P3H1: variants seen among roughly 807,000 people sequenced by gnomAD.
P3H1 encodes the protein growth suppressor 1.
In P3H1, 69 loss-of-function variants were observed where a neutral mutation model predicts 84.0. The ratio of observed to expected loss-of-function variants is 0.82; its 90% CI spans 0.68 to 1.00. The LOEUF (loss-of-function observed/expected upper bound fraction) is 1.00, where lower values mean the gene tolerates loss of function less well. Among genes scored for constraint, P3H1 ranks in the 50% least tolerant of loss-of-function variants. P3H1 has a pLI of 0.00. For synonymous variants in P3H1, 366 were observed against 388.8 expected, an observed-to-expected ratio of 0.94 and a Z score of 0.69; for missense variants, 878 against 962.8, an observed-to-expected ratio of 0.91 and a Z score of 1.17.
At chr1:42,748,382 G>T in intron 11 of P3H1, 65 bp from the exon 12 acceptor site, 2 of 1,237,122 alleles carry the variant, frequency 1.6e-6, no homozygotes, top group Non-Finnish European at 2.4e-6. Flanking sequence ...TCTCTTCTTG[G>T]CAGGGGAGGT....
intron 10 of P3H1, among the ~76,000 whole-genome samples, chr1:42,750,684 A>G (rs1570460179): frequency 2.0e-5 from 2 of 102,182 alleles, no homozygotes; most frequent in African/African-American, 4.3e-5. Flanking sequence ...CCCGTCCGGG[A>G]GGGAGGTGGG....
At chr1:42,755,313 C>T (rs995392872) in intron 6 of P3H1, 96 bp from the exon 7 acceptor site, 2 of 1,213,122 alleles carry the variant, frequency 1.6e-6, no homozygotes, top group Non-Finnish European at 2.4e-6. Flanking sequence ...AGTAATCCAG[C>T]TTATCACCCT....
rs1237389694 is a variant in P3H1, at chr1:42,757,701, C to T, written c.1080+82G>A. On this transcript the variant is annotated intron_variant, in intron 5 of 14. Transcript: ENST00000296388. The stretch of plus-strand genomic sequence containing the variant: ...GGCCCCTGCCCTGCACGCACAGCGC[C>T]TACTCCCCTCTGCTACCCCACTCTT... 9 of 1,605,078 alleles carry T rather than the reference C, an allele frequency of 5.6e-6. No individual in the cohort carries two copies. The East Asian group carries it at 2.0e-4, about 36-fold the overall frequency.
rs57591198 is a variant in P3H1 at position 42,766,405 on chromosome 1, C to T, written c.465+102G>A. ...TCCCCAGCCAGGAGGCCACTTTCCC[C>T]TCCCTGCGGACACTTCCCCGATCCC... is the stretch of plus-strand genomic sequence containing the variant. On this transcript the variant is annotated intron_variant, in intron 1 of 14. Coordinates refer to ENST00000296388, the MANE Select transcript of P3H1 (RefSeq NM_022356.4). 4,563 of 1,099,622 alleles carry T rather than the reference C, an allele frequency of 4.1e-3. 155 individuals carry two copies. The African/African-American group carries it at 0.064, about 16-fold the overall frequency. 68.1% of individuals were successfully genotyped at this position (1,099,622 alleles called of 1,614,324 possible). A position where few individuals can be genotyped will look rare whatever the true frequency, so the allele number is the denominator to read the frequency against.
In P3H1 at chr1:42,752,615, G is replaced by C. The variant is rs758855025; in HGVS notation, c.1395C>G (p.Leu465=). 36 of 1,614,068 alleles carry C rather than the reference G, an allele frequency of 2.2e-5. 1 individual carries two copies. In the South Asian group the frequency reaches 3.6e-4, roughly 16 times the overall value. ...TCACCACCCGCTGGGAACCATTCAG[G>C]AGTTTGGAGTTCATGGTGAGACTGA... ...EGISLTMNSK[L]LNGSQRVVMD... Residue 465 remains leucine (L), a synonymous_variant, in exon 9 of 15, where the codon CTC becomes CTG. Coordinates refer to ENST00000296388, the MANE Select transcript of P3H1 (RefSeq NM_022356.4).
At chr1:42,750,620 C>T (rs1478860182) in intron 10 of P3H1, among the ~76,000 whole-genome samples, 8 of 145,754 alleles carry the variant, frequency 5.5e-5, no homozygotes, top group Non-Finnish European at 1.1e-4. Flanking sequence ...GCCCCTCAGC[C>T]CGGCCAGCCA....
Position 42,746,857 on chromosome 1 carries a change from A to T in P3H1, c.2056-5T>A. The T allele has an allele frequency of 6.2e-7, 1 of 1,614,066 alleles. No homozygotes were observed. The highest frequency in any genetic ancestry group is 8.5e-7 in the Non-Finnish European group (1 of 1,179,990). ...GTCATCTGCCTGCACCCTGTCCTGC[A>T]AGGACAAACCCCTGCCCATTCAGAG... is the stretch of plus-strand genomic sequence containing the variant. On this transcript the variant is annotated splice_region_variant and splice_polypyrimidine_tract_variant and intron_variant, in intron 14 of 14. Transcript: ENST00000296388.
intron 2 of P3H1, chr1:42,761,413 T>G (rs536510589): frequency 6.6e-6 from 1 of 152,276 alleles, no homozygotes; most frequent in East Asian, 1.9e-4. Context: ...ATGAGAACAT[T>G]GAAGGATACT....
At chr1:42,765,831 C>T (rs1652956621) in intron 1 of P3H1, among the ~76,000 whole-genome samples, 1 of 152,066 alleles carries the variant, frequency 6.6e-6, no homozygotes, top group South Asian at 2.1e-4. Flanking sequence ...ATGCAAACTG[C>T]TTAAAATAGT....
intron 1 of P3H1, among the ~76,000 whole-genome samples, chr1:42,763,919 C>T (rs532729823): frequency 1.3e-5 from 2 of 150,488 alleles, no homozygotes; most frequent in East Asian, 2.0e-4. Flanking sequence ...CTGAGGCGGG[C>T]GGATCATGAG....
Position 42,754,984 on chromosome 1 carries a change from T to C in P3H1, c.1230A>G (p.Glu410=). ...PKRLQEKQKS[E]RETAVRISQE... ...GGGAGATGCGTACGGCTGTTTCCCGTTCTGACCTATGAGCACAGCCGCTCT... is the reference window on the plus strand; with the variant it reads ...GGGAGATGCGTACGGCTGTTTCCCGCTCTGACCTATGAGCACAGCCGCTCT... Residue 410 remains glutamate (E), a synonymous_variant, in exon 8 of 15, where the codon GAA becomes GAG. Transcript: ENST00000296388. This position sits in a 1 kb window ranked among gnomAD's most constrained non-coding sequence, Gnocchi z 4.0. 6.2e-7 allele frequency: 1 copy of C among 1,614,188 alleles called. No homozygotes were observed. The highest frequency in any genetic ancestry group is 8.5e-7 in the Non-Finnish European group (1 of 1,180,032).
chr1:42,761,126 T>A (rs1022246910), intron 2 of P3H1: 1 of 151,894 alleles, frequency 6.6e-6, no homozygotes, highest in African/African-American at 2.4e-5. Context: ...CATGCCACCA[T>A]GCCTGGCTAA....
In P3H1 at chr1:42,766,496, C is replaced by T. The variant is rs1653006639; in HGVS notation, c.465+11G>A. 1 of 1,596,926 alleles carries T rather than the reference C, an allele frequency of 6.3e-7. No homozygotes were observed. Among genetic ancestry groups the T allele is most frequent in the African/African-American group, 1.3e-5 (1 of 74,548 alleles). ...AGGACCCCGGCCGCCTGGTTCCAGG[C>T]AGGTCTGCACCTTGAAGTAGGCGAC... On this transcript the variant is annotated intron_variant, in intron 1 of 14. Coordinates refer to ENST00000296388, the MANE Select transcript of P3H1 (RefSeq NM_022356.4).
At chr1:42,755,672 T>C (rs1447146054) in intron 5 of P3H1, 35 bp from the exon 6 acceptor site, 2 of 1,547,346 alleles carry the variant, frequency 1.3e-6, no homozygotes, top group South Asian at 2.2e-5. Flanking sequence ...CCCCCAGAAC[T>C]CAGCCCTGTC....
chr1:42,758,830 G>A (rs764869195), intron 4 of P3H1, 22 bp downstream of exon 4: 3 of 1,613,820 alleles, frequency 1.9e-6, no homozygotes, highest in Non-Finnish European at 1.7e-6. Flanking sequence ...AGCAGAGAAA[G>A]AGGAAGGAAA....
intron 14 of P3H1, 45 bp from the exon 15 acceptor site, chr1:42,746,897 G>T: frequency 6.2e-7 from 1 of 1,614,192 alleles, no homozygotes; most frequent in Non-Finnish European, 8.5e-7. Flanking sequence ...CTCCGCTCCA[G>T]ACACTCGCTA....
intron 11 of P3H1, chr1:42,748,540 T>G: frequency 1.7e-6 from 1 of 584,018 alleles, no homozygotes; most frequent in Non-Finnish European, 3.1e-6. Flanking sequence ...CAAGCAGGAA[T>G]GAAGGGCTCC....
chr1:42,748,165 C>T lies in P3H1; in HGVS notation c.1838+35G>A, dbSNP rs773448164. On this transcript the variant is annotated intron_variant, in intron 12 of 14. Coordinates refer to ENST00000296388, the MANE Select transcript of P3H1 (RefSeq NM_022356.4). ...CACTGTGGGGCCTCTGAGGAGGGCA[C>T]AGACCTCCTCACCCTGCACCTGCCC... 5.4e-6 allele frequency: 8 copies of T among 1,486,298 alleles called. No individual in the cohort carries two copies. In the African/African-American group the frequency reaches 9.7e-5, roughly 18 times the overall value. 92.1% of individuals were successfully genotyped at this position (1,486,298 alleles called of 1,614,324 possible). A position where few individuals can be genotyped will look rare whatever the true frequency, so the allele number is the denominator to read the frequency against.
At position 42,752,626 on chromosome 1, in the gene P3H1, T is replaced by A; in HGVS notation, c.1384A>T (p.Asn462Tyr). 6.2e-7 allele frequency: 1 copy of A among 1,614,178 alleles called. No homozygotes were observed. Among genetic ancestry groups the A allele is most frequent in the South Asian group, 1.1e-5 (1 of 91,080 alleles). The change falls in exon 9 of 15, where the codon AAC (asparagine) becomes TAC (tyrosine). Residue 462 changes from asparagine (N) to tyrosine (Y), a missense_variant. Asn to Tyr is a moderately radical substitution (Grantham distance 143). Coordinates refer to ENST00000296388, the MANE Select transcript of P3H1 (RefSeq NM_022356.4). The part of the protein sequence containing the change: ...LLYEGISLTM[N>Y]SKLLNGSQRV... Reference sequence around the variant, plus strand: ...TGGGAACCATTCAGGAGTTTGGAGTTCATGGTGAGACTGATGCCTTCATAC... The same window carrying A: ...TGGGAACCATTCAGGAGTTTGGAGTACATGGTGAGACTGATGCCTTCATAC...
Sources: allele counts gnomAD v4.1 joint callset (sites outside exome capture counted in the v4.1 genomes callset), GRCh38; gene constraint gnomAD v4.1.1; non-coding constraint Gnocchi (gnomAD v3.1); transcripts MANE v1.5; gene names NCBI Gene and HGNC (gene_info 2026-07-23, HGNC 2026-07-21).